KRT8: variants seen among roughly 807,000 people sequenced by gnomAD.
The protein encoded by KRT8 is keratin 8, also known as keratin, type II cytoskeletal 8.
In KRT8, 24 loss-of-function variants were observed where a neutral mutation model predicts 43.0. The observed-to-expected ratio is 0.56, with a 90% CI of 0.40 to 0.78. The LOEUF is 0.78. KRT8 is among the 30% of genes least tolerant of loss of function. The pLI is 0.00. For missense variants in KRT8, 492 were observed against 638.4 expected, an observed-to-expected ratio of 0.77 and a Z score of 2.47; for synonymous variants, 214 against 261.2, an observed-to-expected ratio of 0.82 and a Z score of 1.74.
In KRT8 at chr12:52,918,190, GAAGAAGAAGAAGAAC is replaced by G. The variant is rs757530200; in HGVS notation, c.-46-13178_-46-13164del. ...AGAAGAAGAGGAAGAGGAAGAAGAA[GAAGAAGAAGAAGAAC>G]AAGAAGAAGAAGAAGAAGAAGAAGA... On this transcript the variant is annotated intron_variant, in intron 2 of 6. Transcript: ENST00000546826. Among the ~76,000 whole-genome samples the G allele has an allele frequency of 7.6e-3, 936 of 122,962 alleles. 73 individuals are homozygous for G. The highest frequency in any genetic ancestry group is 0.014 in the South Asian group (44 of 3,218). 80.7% of individuals were successfully genotyped at this position (122,962 alleles called of 152,430 possible).
At chr12:52,927,379 T>C (rs1228483773) in intron 2 of KRT8, among the ~76,000 whole-genome samples, 1 of 152,134 alleles carries the variant, frequency 6.6e-6, no homozygotes, top group Non-Finnish European at 1.5e-5. Context: ...GGGCCTCCCC[T>C]GGGGAAAGGG....
At chr12:52,906,578 A>G (rs1031673818), upstream of KRT8, 5 of 410,678 alleles carry the variant, frequency 1.2e-5, no homozygotes, top group Admixed American at 7.6e-5. Flanking sequence ...GGGTGGGGCC[A>G]GGCAGGGCAT....
chr12:52,909,015 A>AAAAT (rs149626450), upstream of KRT8, among the ~76,000 whole-genome samples: 4 of 152,160 alleles, frequency 2.6e-5, no homozygotes, highest in Admixed American at 6.5e-5. Context: ...CTCTGTCTCA[A>AAAAT]AAATAAATAA....
chr12:52,936,067 C>T (rs1006640914), intron 2 of KRT8, among the ~76,000 whole-genome samples: 1 of 151,840 alleles, frequency 6.6e-6, no homozygotes. Flanking sequence ...GCCTGGTGAA[C>T]ATGGTGAAAC....
chr12:52,921,789 G>A (rs539538001), intron 2 of KRT8, among the ~76,000 whole-genome samples: 119 of 152,074 alleles, frequency 7.8e-4, no homozygotes, highest in Non-Finnish European at 1.5e-3. Context: ...CCTTAAGGTG[G>A]TAAAGCTTTT....
intron 2 of KRT8, among the ~76,000 whole-genome samples, chr12:52,913,135 C>T (rs1319887206): frequency 5.3e-5 from 8 of 152,190 alleles, no homozygotes; most frequent in African/African-American, 1.9e-4. Context: ...TAATCACCCA[C>T]CATAAAAGCA....
chr12:52,908,062 C>T (rs183085569), upstream of KRT8, among the ~76,000 whole-genome samples: 1 of 152,324 alleles, frequency 6.6e-6, no homozygotes, highest in Admixed American at 6.5e-5. Context: ...CACTCACTCC[C>T]TGTGGGCCAA....
At chr12:52,922,013 C>A (rs1277122613) in intron 2 of KRT8, among the ~76,000 whole-genome samples, 2 of 151,138 alleles carry the variant, frequency 1.3e-5, no homozygotes, top group Admixed American at 6.6e-5. Flanking sequence ...CCCTCTCCCC[C>A]ACAAAAAAAT....
intron 2 of KRT8, among the ~76,000 whole-genome samples, chr12:52,936,630 A>G (rs1942174014): frequency 6.6e-6 from 1 of 152,164 alleles, no homozygotes; most frequent in Non-Finnish European, 1.5e-5. Context: ...CTCCTGCCTC[A>G]GCCTCCTGGG....
rs1179481530 is a variant in KRT8, at chr12:52,918,177, AGAG to A, written c.-46-13153_-46-13151del. ...AAGGGGAAGAAGAAGAAGAAGAGGAAGAGGAAGAAGAAGAAGAAGAAGAAGAAC... is the reference window on the plus strand; with the variant it reads ...AAGGGGAAGAAGAAGAAGAAGAGGAAGAAGAAGAAGAAGAAGAAGAAGAAC... On this transcript the variant is annotated intron_variant, in intron 2 of 6. Transcript: ENST00000546826. 4.2e-3 allele frequency among the ~76,000 whole-genome samples: 536 copies of A among 128,114 alleles called. 30 individuals carry two copies. The highest frequency in any genetic ancestry group is 6.2e-3 in the African/African-American group (196 of 31,444). 84.0% of individuals were successfully genotyped at this position (128,114 alleles called of 152,430 possible). A position where few individuals can be genotyped will look rare whatever the true frequency, so the allele number is the denominator to read the frequency against.
intron 2 of KRT8, chr12:52,949,120 C>T (rs368939913): frequency 3.5e-5 from 47 of 1,359,196 alleles, no homozygotes; most frequent in Non-Finnish European, 4.4e-5. Context: ...TCGCGCAGGC[C>T]GCCACCGTCG....
At position 52,914,400 on chromosome 12, in the gene KRT8, G is replaced by T. The variant is rs59615876; in HGVS notation, c.-46-9373C>A. On this transcript the variant is annotated intron_variant, in intron 2 of 6. Coordinates refer to the KRT8 transcript ENST00000546826. ...AAATACCAAAAAATTAGCATAGTAT[G>T]GTGGCGCATGCCTGTAACCCCAGCT... is the stretch of plus-strand genomic sequence containing the variant. Among the ~76,000 whole-genome samples the T allele has an allele frequency of 8.6e-3, 1,307 of 152,170 alleles. 13 individuals carry two copies. Among genetic ancestry groups the T allele is most frequent in the African/African-American group, 0.03 (1,232 of 41,516 alleles).
intron 2 of KRT8, among the ~76,000 whole-genome samples, chr12:52,945,856 C>T (rs888003845): frequency 2.6e-5 from 4 of 152,102 alleles, no homozygotes; most frequent in African/African-American, 9.7e-5. Flanking sequence ...CACAATCACG[C>T]CATCCCCCTT....
intron 2 of KRT8, among the ~76,000 whole-genome samples, chr12:52,931,491 C>T (rs1056774928): frequency 6.6e-6 from 1 of 152,084 alleles, no homozygotes; most frequent in African/African-American, 2.4e-5. Context: ...ATATTGGGCA[C>T]CTGCATTCAT....
At chr12:52,949,399 G>A (rs1372602238) in intron 2 of KRT8, 1 of 1,612,252 alleles carries the variant, frequency 6.2e-7, no homozygotes, top group African/African-American at 1.3e-5. Flanking sequence ...AGGAATGGGA[G>A]GCATCCAGAA....
At chr12:52,944,128 CT>C (rs1942308838) in intron 2 of KRT8, among the ~76,000 whole-genome samples, 1 of 152,162 alleles carries the variant, frequency 6.6e-6, no homozygotes, top group African/African-American at 2.4e-5. Context: ...GGCACGTCAT[CT>C]CATTTGGTCC....
upstream of KRT8, among the ~76,000 whole-genome samples, chr12:52,905,403 C>T (rs1157698566): frequency 2.6e-5 from 4 of 152,188 alleles, no homozygotes; most frequent in Admixed American, 2.0e-4. Flanking sequence ...TTGTCTCCCT[C>T]CCTCCTGGGG....
chr12:52,925,855 A>T (rs61927926), intron 2 of KRT8, among the ~76,000 whole-genome samples: 6,291 of 152,226 alleles, frequency 0.041, 180 homozygotes, highest in Middle Eastern at 0.075. Flanking sequence ...AAAGGGACCC[A>T]GGTTCCAGTT....
chr12:52,949,854 A>G, exon 1 of KRT8: 1 of 699,846 alleles, frequency 1.4e-6, no homozygotes, highest in South Asian at 1.5e-5. Context: ...GAGGGAGGTA[A>G]GGAAAGGCCT....
Sources: allele counts gnomAD v4.1 joint callset (sites outside exome capture counted in the v4.1 genomes callset), GRCh38; gene constraint gnomAD v4.1.1; transcripts MANE v1.5; gene names NCBI Gene and HGNC (gene_info 2026-07-23, HGNC 2026-07-21).